PRORP: variants seen among roughly 807,000 people sequenced by gnomAD.
PRORP encodes the protein mitochondrial ribonuclease P catalytic subunit.
PRORP carries 51 observed loss-of-function variants against 59.4 expected under a neutral mutation model. The observed-to-expected ratio is 0.86, with a 90% CI of 0.69 to 1.08. The LOEUF is 1.08. PRORP is among the 50% of genes least tolerant of loss of function. The pLI, the probability that PRORP is intolerant of heterozygous loss-of-function variation, is 0.00. For synonymous variants in PRORP, 231 were observed against 245.6 expected (o/e 0.94, Z 0.55); for missense variants, 646 against 690.3 (o/e 0.94, Z 0.72).
At chr14:35,259,353 GT>G (rs968056595) in intron 5 of PRORP, among the ~76,000 whole-genome samples, 2 of 150,628 alleles carry the variant, frequency 1.3e-5, no homozygotes, top group African/African-American at 2.4e-5. Flanking sequence ...TTTGAAGTGA[GT>G]TTTTTTTTAG....
chr14:35,206,244 G>C (rs140885571), intron 5 of PRORP, among the ~76,000 whole-genome samples: 1 of 152,184 alleles, frequency 6.6e-6, no homozygotes, highest in Non-Finnish European at 1.5e-5. Context: ...AAGAAGGTTT[G>C]TTTTTCATAT....
At chr14:35,264,432 T>G (rs2138649683) in intron 5 of PRORP, among the ~76,000 whole-genome samples, 1 of 152,072 alleles carries the variant, frequency 6.6e-6, no homozygotes, top group Non-Finnish European at 1.5e-5. Flanking sequence ...TAATTTTTTT[T>G]TTTTTAATAG....
At chr14:35,239,685 A>G (rs1425568903) in intron 5 of PRORP, among the ~76,000 whole-genome samples, 1 of 152,218 alleles carries the variant, frequency 6.6e-6, no homozygotes, top group Non-Finnish European at 1.5e-5. Context: ...CATTCTGTGA[A>G]TGAAGCCATA....
chr14:35,228,992 TG>T (rs2050006074), intron 5 of PRORP, among the ~76,000 whole-genome samples: 2 of 152,210 alleles, frequency 1.3e-5, no homozygotes, highest in African/African-American at 2.4e-5. Flanking sequence ...CCATTCTGAC[TG>T]GTATGAGATG....
chr14:35,199,232 G>A (rs2049085184), intron 5 of PRORP, among the ~76,000 whole-genome samples: 1 of 151,762 alleles, frequency 6.6e-6, no homozygotes, highest in Non-Finnish European at 1.5e-5. Flanking sequence ...CTACTCGGGA[G>A]GCTGAGGCAG....
chr14:35,173,351 C>A (rs1286115664), intron 4 of PRORP, among the ~76,000 whole-genome samples: 2 of 152,112 alleles, frequency 1.3e-5, no homozygotes, highest in Non-Finnish European at 2.9e-5. Flanking sequence ...GGCTGTTAAA[C>A]TTCTTTAGAC....
intron 5 of PRORP, among the ~76,000 whole-genome samples, chr14:35,193,134 G>A (rs1378443296): frequency 6.6e-6 from 1 of 152,086 alleles, no homozygotes; most frequent in Non-Finnish European, 1.5e-5. Context: ...GATTTTCAGT[G>A]TTCATAAGCT....
rs145712594 is a variant in PRORP, at chr14:35,127,065, A to G, written c.1034+283A>G. Among the ~76,000 whole-genome samples, 951 of 152,276 alleles carry G rather than the reference A, an allele frequency of 6.2e-3. 13 individuals are homozygous for G. The highest frequency in any genetic ancestry group is 0.022 in the African/African-American group (918 of 41,548). On this transcript the variant is annotated intron_variant, in intron 3 of 7. Transcript: ENST00000534898. Reference sequence around the variant, plus strand: ...ATTTATTTATTTATTTAATTCACCAATATGATATTCCAGAGGATAGGAATT... The same window carrying G: ...ATTTATTTATTTATTTAATTCACCAGTATGATATTCCAGAGGATAGGAATT...
chr14:35,125,109 C>T (rs1251901221), intron 2 of PRORP, among the ~76,000 whole-genome samples: 2 of 152,130 alleles, frequency 1.3e-5, no homozygotes, highest in Admixed American at 6.5e-5. Context: ...GATCCGCCTG[C>T]CTCGGCCTCC....
At chr14:35,260,524 G>A (rs1277316039) in intron 5 of PRORP, among the ~76,000 whole-genome samples, 1 of 152,188 alleles carries the variant, frequency 6.6e-6, no homozygotes, top group East Asian at 1.9e-4. Context: ...TACCTAAACA[G>A]TACAGTGAAA....
intron 4 of PRORP, among the ~76,000 whole-genome samples, chr14:35,142,527 A>T (rs1243353491): frequency 9.3e-5 from 2 of 21,618 alleles, no homozygotes; most frequent in Non-Finnish European, 2.1e-4. Flanking sequence ...TTTTAAATTA[A>T]AAAAAAAAAA....
intron 5 of PRORP, among the ~76,000 whole-genome samples, chr14:35,216,057 G>A (rs76435440): frequency 0.016 from 1,679 of 107,146 alleles, 24 homozygotes; most frequent in African/African-American, 0.049. Flanking sequence ...ATGAGCCACC[G>A]CACCCAACCG....
intron 5 of PRORP, among the ~76,000 whole-genome samples, chr14:35,259,106 C>T (rs1419217920): frequency 6.6e-6 from 1 of 152,198 alleles, no homozygotes; most frequent in Non-Finnish European, 1.5e-5. Context: ...GTTCTGTCAG[C>T]TTTTGCTTTC....
At chr14:35,268,094 T>C (rs2051090191) in intron 6 of PRORP, among the ~76,000 whole-genome samples, 1 of 151,940 alleles carries the variant, frequency 6.6e-6, no homozygotes, top group South Asian at 2.1e-4. Flanking sequence ...ATGTCTATAA[T>C]CCCAGCACTT....
intron 5 of PRORP, among the ~76,000 whole-genome samples, chr14:35,188,260 G>T (rs537313089): frequency 2.6e-4 from 37 of 143,742 alleles, no homozygotes; most frequent in African/African-American, 9.3e-4. Flanking sequence ...GCATGATCTC[G>T]GCTCACTACA....
intron 5 of PRORP, among the ~76,000 whole-genome samples, chr14:35,226,213 T>G (rs765931442): frequency 6.6e-6 from 1 of 152,208 alleles, no homozygotes; most frequent in Non-Finnish European, 1.5e-5. Context: ...CATTAAATCT[T>G]TAACTCCTCA....
intron 5 of PRORP, among the ~76,000 whole-genome samples, chr14:35,232,763 C>T (rs1007690441): frequency 2.0e-5 from 3 of 152,124 alleles, no homozygotes; most frequent in Non-Finnish European, 2.9e-5. Flanking sequence ...ACCTCCACCT[C>T]CCAGGTTCAA....
chr14:35,268,984 CCTT>C (rs1394032478), intron 6 of PRORP, among the ~76,000 whole-genome samples: 3 of 152,174 alleles, frequency 2.0e-5, no homozygotes, highest in Non-Finnish European at 4.4e-5. Flanking sequence ...AAACCACATC[CCTT>C]CTTTTTTTAG....
chr14:35,262,854 G>C, intron 5 of PRORP: 1 of 1,528,352 alleles, frequency 6.5e-7, no homozygotes, highest in East Asian at 2.2e-5. Flanking sequence ...AACAGGTGTT[G>C]CTTGTTCAGT....
Sources: gnomAD v4.1 joint callset for allele counts (sites outside exome capture counted in the v4.1 genomes callset) on GRCh38, gnomAD v4.1.1 for gene constraint, MANE v1.5 for transcripts, NCBI Gene and HGNC (gene_info 2026-07-23, HGNC 2026-07-21) for gene names.